NAA16: variants seen among roughly 807,000 people sequenced by gnomAD.
The protein encoded by NAA16 is N-alpha-acetyltransferase 16, NatA auxiliary subunit.
A neutral mutation model predicts 110.3 loss-of-function variants in NAA16; 97 were observed. The ratio of observed to expected loss-of-function variants is 0.88; its 90% confidence interval spans 0.75 to 1.04. NAA16 has a LOEUF of 1.04. Among genes scored for constraint, NAA16 ranks in the 50% least tolerant of loss-of-function variants. The pLI, the probability that NAA16 is intolerant of heterozygous loss-of-function variation, is 0.00. For synonymous variants in NAA16, 372 were observed against 330.6 expected (o/e 1.13, Z -1.36); for missense variants, 1,017 against 1,005.1 (o/e 1.01, Z -0.16).
intron 4 of NAA16, among the ~76,000 whole-genome samples, chr13:41,321,080 G>A (rs1456783285): frequency 2.0e-5 from 3 of 152,296 alleles, no homozygotes; most frequent in South Asian, 2.1e-4. Context: ...TGGGAGGATC[G>A]CTTGAGGCTG....
chr13:41,312,523 A>C (rs572005007), intron 1 of NAA16, among the ~76,000 whole-genome samples: 1 of 152,328 alleles, frequency 6.6e-6, no homozygotes, highest in South Asian at 2.1e-4. Context: ...TATTGTTAGT[A>C]GGTAACTGTC....
intron 14 of NAA16, among the ~76,000 whole-genome samples, chr13:41,368,594 CAG>C (rs1324002952): frequency 6.6e-6 from 1 of 151,710 alleles, no homozygotes; most frequent in Non-Finnish European, 1.5e-5. Flanking sequence ...AGACAAAAAA[CAG>C]AAAAAAAAAG....
Position 41,369,216 on chromosome 13 carries a change from A to G in NAA16, c.1880A>G (p.Lys627Arg), listed in dbSNP as rs1288416605. 6.3e-7 allele frequency: 1 copy of G among 1,597,958 alleles called. No homozygotes were observed. The highest frequency in any genetic ancestry group is 2.2e-5 in the East Asian group (1 of 44,712). The change falls in exon 15 of 20, where the codon AAA (lysine) becomes AGA (arginine). Residue 627 changes from lysine to arginine, a missense_variant. Physicochemically the swap from Lys to Arg is conservative, Grantham distance 26 (BLOSUM62 2). Coordinates refer to ENST00000379406, the MANE Select transcript of NAA16 (RefSeq NM_024561.5). ...RERQQKNQKK[K>R]RDEEEEEASG... ...CGTCAACAGAAAAATCAAAAGAAAA[A>G]AAGAGATGAAGAAGAAGAAGAAGCC... is the stretch of plus-strand genomic sequence containing the variant.
intron 10 of NAA16, 59 bp downstream of exon 10, chr13:41,355,275 A>G: frequency 9.3e-7 from 1 of 1,078,642 alleles, no homozygotes; most frequent in Admixed American, 2.2e-5. Context: ...TAATCACAGT[A>G]ATGCTCTTTT....
intron 12 of NAA16, among the ~76,000 whole-genome samples, chr13:41,360,168 A>G (rs2043083633): frequency 6.6e-6 from 1 of 152,206 alleles, no homozygotes; most frequent in Non-Finnish European, 1.5e-5. Context: ...AGTAAAATGC[A>G]ATTAAATATG....
At chr13:41,342,257 C>T (rs1489755657) in intron 9 of NAA16, among the ~76,000 whole-genome samples, 1 of 152,070 alleles carries the variant, frequency 6.6e-6, no homozygotes, top group East Asian at 1.9e-4. Flanking sequence ...CCTGCCTCAG[C>T]CTCCCGAGTA....
At chr13:41,337,400 G>A (rs777811059) in intron 9 of NAA16, among the ~76,000 whole-genome samples, 3 of 151,902 alleles carry the variant, frequency 2.0e-5, no homozygotes, top group African/African-American at 4.8e-5. Flanking sequence ...AAAATTAGCC[G>A]GGCGTGGTGG....
chr13:41,333,133 C>T (rs1328939717), intron 8 of NAA16, among the ~76,000 whole-genome samples: 1 of 152,030 alleles, frequency 6.6e-6, no homozygotes, highest in Non-Finnish European at 1.5e-5. Flanking sequence ...TTAATATACA[C>T]TTTGTGAATT....
intron 9 of NAA16, among the ~76,000 whole-genome samples, chr13:41,342,567 T>C (rs1383845028): frequency 6.6e-6 from 1 of 152,214 alleles, no homozygotes; most frequent in Non-Finnish European, 1.5e-5. Flanking sequence ...GTTCCCGAGT[T>C]GGCATAACAG....
intron 13 of NAA16, among the ~76,000 whole-genome samples, chr13:41,365,577 ATTCT>A (rs2043192563): frequency 6.6e-6 from 1 of 152,182 alleles, no homozygotes; most frequent in African/African-American, 2.4e-5. Flanking sequence ...ATTTAGCCAT[ATTCT>A]GTCTATCACC....
intron 13 of NAA16, chr13:41,362,413 T>C (rs188085934): frequency 9.2e-4 from 353 of 381,882 alleles, no homozygotes; most frequent in Non-Finnish European, 1.2e-3. Context: ...TTATTGCTAT[T>C]AACATAAATT....
At chr13:41,318,743 A>G (rs1388017758) in intron 2 of NAA16, 63 bp from the exon 3 acceptor site, 5 of 798,448 alleles carry the variant, frequency 6.3e-6, no homozygotes, top group African/African-American at 5.3e-5. Context: ...TTAAAGTACT[A>G]TTAAGAGAAT....
At chr13:41,362,198 G>C (rs368225699) in intron 13 of NAA16, 39 bp downstream of exon 13, 377 of 1,561,354 alleles carry the variant, frequency 2.4e-4, no homozygotes, top group South Asian at 1.4e-3. Flanking sequence ...TTCACTGTAA[G>C]GTGATAAAAA....
Position 41,367,512 on chromosome 13 carries a change from A to G in NAA16, c.1613A>G (p.Tyr538Cys), listed in dbSNP as rs1178499395. 4.3e-6 allele frequency: 7 copies of G among 1,613,480 alleles called. No homozygotes were observed. Among genetic ancestry groups the G allele is most frequent in the Admixed American group, 1.7e-5 (1 of 59,966 alleles). Residue 538 changes from tyrosine to cysteine, a missense_variant, in exon 14 of 20, where the codon TAT becomes TGT. Coordinates refer to ENST00000379406, the MANE Select transcript of NAA16 (RefSeq NM_024561.5). ...YCMRKMTLRAYVDLLRLEDIL... is the reference protein window; with the variant it reads ...YCMRKMTLRACVDLLRLEDIL... Reference sequence around the variant, plus strand: ...ATGAGAAAGATGACCCTTCGTGCCTATGTTGACCTTTTGAGATTAGAAGAT... The same window carrying G: ...ATGAGAAAGATGACCCTTCGTGCCTGTGTTGACCTTTTGAGATTAGAAGAT...
At position 41,331,367 on chromosome 13, in the gene NAA16, C is replaced by A; in HGVS notation, c.905C>A (p.Pro302Gln). ...TPRRLPLTLV[P>Q]GERFRELMDK... ...AGAAGATTACCTTTGACTCTTGTCC[C>A]AGGTAATATTAAGATGTCTTTTATA... Residue 302 changes from proline (P) to glutamine (Q), a missense_variant and splice_region_variant, in exon 8 of 20, where the codon CCA (proline) becomes CAA (glutamine). Pro to Gln is a moderately conservative substitution (Grantham distance 76). Transcript: ENST00000379406. The A allele has an allele frequency of 6.4e-7, 1 of 1,572,362 alleles. No individual in the cohort carries two copies. The highest frequency in any genetic ancestry group is 1.4e-5 in the African/African-American group (1 of 73,950).
chr13:41,362,248 C>A, intron 13 of NAA16, 89 bp downstream of exon 13: 2 of 1,382,044 alleles, frequency 1.4e-6, no homozygotes, highest in Non-Finnish European at 1.9e-6. Flanking sequence ...CCTCTTCTAA[C>A]TTCTCTGGGA....
intron 2 of NAA16, among the ~76,000 whole-genome samples, chr13:41,318,205 A>ATTT (rs771469935): frequency 7.0e-6 from 1 of 142,696 alleles, no homozygotes. Flanking sequence ...CTGCTTTGTA[A>ATTT]TTTTTTTTTT....
chr13:41,375,235 A>T (rs7320275), intron 19 of NAA16, among the ~76,000 whole-genome samples, 170 bp from the exon 20 acceptor site: 144,272 of 152,304 alleles, frequency 0.95, 68,403 homozygotes, highest in South Asian at 0.99. Context: ...TCGGGGTTGA[A>T]TTTTTAATGT....
chr13:41,327,136 C>T (rs903967790), intron 6 of NAA16, among the ~76,000 whole-genome samples: 4 of 152,028 alleles, frequency 2.6e-5, no homozygotes, highest in Non-Finnish European at 4.4e-5. Context: ...TCATGAGCGT[C>T]TTACTTTTAA....
Sources: gnomAD v4.1 joint callset for allele counts (sites outside exome capture counted in the v4.1 genomes callset) on GRCh38, gnomAD v4.1.1 for gene constraint, MANE v1.5 for transcripts, NCBI Gene and HGNC (gene_info 2026-07-23, HGNC 2026-07-21) for gene names.